Variants in KLHL12 observed in about 807,000 individuals in gnomAD.
KLHL12 encodes kelch like family member 12.
In KLHL12, 17 loss-of-function variants were observed where a neutral mutation model predicts 60.8. The observed-to-expected ratio is 0.28, with a 90% CI of 0.19 to 0.42. KLHL12 has a LOEUF of 0.42. Ranked by LOEUF, KLHL12 falls within the 10% of genes least tolerant of loss-of-function variation. KLHL12 has a pLI of 1.00. For missense variants in KLHL12, 468 were observed against 722.3 expected, an observed-to-expected ratio of 0.65 and a Z score of 4.04; for synonymous variants, 220 against 250.9, an observed-to-expected ratio of 0.88 and a Z score of 1.16.
intron 2 of KLHL12, among the ~76,000 whole-genome samples, chr1:202,922,789 G>T (rs2102459354): frequency 6.6e-6 from 1 of 151,964 alleles, no homozygotes; most frequent in Admixed American, 6.5e-5. Context: ...CCCAGCTGAA[G>T]ATCCAAGACT....
intron 4 of KLHL12, among the ~76,000 whole-genome samples, chr1:202,916,581 T>C (rs747234339): frequency 1.3e-5 from 2 of 152,132 alleles, no homozygotes; most frequent in Non-Finnish European, 2.9e-5. Context: ...AAGGTGAAGG[T>C]TACAGTGAGC....
At chr1:202,925,800 A>C (rs558371009) in intron 1 of KLHL12, among the ~76,000 whole-genome samples, 2 of 152,196 alleles carry the variant, frequency 1.3e-5, no homozygotes, top group African/African-American at 4.8e-5. Context: ...ACATATCTGG[A>C]TTTCTTCTTA....
chr1:202,898,167 T>C (rs1055702500), intron 6 of KLHL12, among the ~76,000 whole-genome samples: 2 of 152,064 alleles, frequency 1.3e-5, no homozygotes, highest in Admixed American at 1.3e-4. Flanking sequence ...GCCTCCCAAG[T>C]AGCTGGGATT....
chr1:202,894,817 A>G, intron 8 of KLHL12, 68 bp from the exon 9 acceptor site: 1 of 1,379,336 alleles, frequency 7.2e-7, no homozygotes, highest in Non-Finnish European at 1.0e-6. Flanking sequence ...TTCCTCTACA[A>G]ATTTTCCAAG....
In KLHL12 at chr1:202,909,127, G is replaced by A. The variant is rs2102431618; in HGVS notation, c.718-3C>T. On this transcript the variant is annotated splice_polypyrimidine_tract_variant and splice_region_variant and intron_variant, in intron 5 of 11. Coordinates refer to ENST00000367261, the MANE Select transcript of KLHL12 (RefSeq NM_021633.4). This position sits in a 1 kb window ranked among gnomAD's most constrained non-coding sequence, Gnocchi z 4.1. ...TGTAAACTACAGCGGATGAAAGGCT[G>A]AAATATAGCAGACAGCAGAGTTAGG... 1.3e-6 allele frequency: 2 copies of A among 1,597,088 alleles called. No homozygotes were observed. Among genetic ancestry groups the A allele is most frequent in the East Asian group, 2.2e-5 (1 of 44,778 alleles).
In KLHL12 at chr1:202,927,015, G is replaced by C. The variant is rs1653602799; in HGVS notation, c.-46+74C>G. The C allele has an allele frequency of 8.3e-6, 8 of 960,358 alleles. No individual in the cohort carries two copies. In the South Asian group the frequency reaches 2.4e-4, roughly 29 times the overall value. The allele number at this position is 960,358 out of a possible 1,614,324, so 59.5% of individuals were successfully genotyped here. On this transcript the variant is annotated intron_variant, in intron 1 of 11. Transcript: ENST00000367261. Reference sequence around the variant, plus strand: ...CCGCCTTGCAGGGAGACCAAGGATGGGGGGTAGGGCCATAACCCGGAGTTG... The same window carrying C: ...CCGCCTTGCAGGGAGACCAAGGATGCGGGGTAGGGCCATAACCCGGAGTTG...
Position 202,893,464 on chromosome 1 carries a change from A to C in KLHL12, c.1394-39T>G, listed in dbSNP as rs757484908. 5 of 1,523,136 alleles carry C rather than the reference A, an allele frequency of 3.3e-6. No homozygotes were observed. The African/African-American group carries it at 6.9e-5, about 21-fold the overall frequency. The allele number at this position is 1,523,136 out of a possible 1,614,324, so 94.4% of individuals were successfully genotyped here. A position where few individuals can be genotyped will look rare whatever the true frequency, so the allele number is the denominator to read the frequency against. ...ATGCATTAGCAAATGTATGGTACTA[A>C]GCCTAGAATCTGAATTATAGAAATA... On this transcript the variant is annotated intron_variant, in intron 10 of 11. Coordinates refer to ENST00000367261, the MANE Select transcript of KLHL12 (RefSeq NM_021633.4). This position sits in a 1 kb window ranked among gnomAD's most constrained non-coding sequence, Gnocchi z 4.1.
In KLHL12 at chr1:202,893,176, T is replaced by A; in HGVS notation, c.1580+63A>T. ...TCTTGTCTCTGTCCAAAAATGAGGA[T>A]CAGATCACATAGACTCTTGCTCTGG... On this transcript the variant is annotated intron_variant, in intron 11 of 11. Coordinates refer to ENST00000367261, the MANE Select transcript of KLHL12 (RefSeq NM_021633.4). This position sits in a 1 kb window ranked among gnomAD's most constrained non-coding sequence, Gnocchi z 4.1. The A allele has an allele frequency of 7.6e-7, 1 of 1,324,094 alleles. No individual in the cohort carries two copies. The highest frequency in any genetic ancestry group is 2.5e-5 in the East Asian group (1 of 40,140). The allele number at this position is 1,324,094 out of a possible 1,614,324, so 82.0% of individuals were successfully genotyped here.
chr1:202,924,866 T>G (rs575796868), intron 2 of KLHL12, 102 bp downstream of exon 2: 1 of 1,417,222 alleles, frequency 7.1e-7, no homozygotes, highest in Non-Finnish European at 9.5e-7. Flanking sequence ...CATCACACTG[T>G]AAAAATTCAA....
Position 202,916,449 on chromosome 1 carries a change from A to G in KLHL12, c.567+1722T>C, listed in dbSNP as rs1399561301. On this transcript the variant is annotated intron_variant, in intron 4 of 11. Transcript: ENST00000367261. ...TGGCTGATGTCAGGAGTTCCAGAGC[A>G]GCCTGGCCACAATAGTGAAACTCCG... 3.3e-5 allele frequency among the ~76,000 whole-genome samples: 5 copies of G among 152,232 alleles called. No individual in the cohort carries two copies. In the East Asian group the frequency reaches 9.6e-4, roughly 29 times the overall value.
chr1:202,911,525 G>A (rs374067043), intron 4 of KLHL12, among the ~76,000 whole-genome samples: 7 of 151,488 alleles, frequency 4.6e-5, no homozygotes, highest in African/African-American at 9.7e-5. Flanking sequence ...ATTGGCCTTC[G>A]TTTCAGAATT....
At chr1:202,898,133 G>T (rs1442116559) in intron 6 of KLHL12, among the ~76,000 whole-genome samples, 1 of 152,054 alleles carries the variant, frequency 6.6e-6, no homozygotes, top group Non-Finnish European at 1.5e-5. Flanking sequence ...CAAACTCCCG[G>T]CCTCAAGCGA....
At chr1:202,899,744 T>C (rs1392038672) in intron 6 of KLHL12, among the ~76,000 whole-genome samples, 2 of 151,456 alleles carry the variant, frequency 1.3e-5, no homozygotes, top group African/African-American at 4.9e-5. Flanking sequence ...GAGAATCACT[T>C]GAACTGAGGA....
At position 202,909,406 on chromosome 1, in the gene KLHL12, C is replaced by T. The variant is rs1660290029; in HGVS notation, c.718-282G>A. Among the ~76,000 whole-genome samples the T allele has an allele frequency of 6.6e-6, 1 of 151,844 alleles. No individual in the cohort carries two copies. The highest frequency in any genetic ancestry group is 2.4e-5 in the African/African-American group (1 of 41,272). On this transcript the variant is annotated intron_variant, in intron 5 of 11. Transcript: ENST00000367261. The surrounding 1 kb of genome is among the most constrained non-coding windows in gnomAD (Gnocchi z 4.1). ...CATCTATCGCAGCGCTTACATTTAA[C>T]TATTTTTACATAGTTTGGATGCCCT...
At chr1:202,928,296 G>GA (rs1360708150), upstream of KLHL12, among the ~76,000 whole-genome samples, 7 of 148,664 alleles carry the variant, frequency 4.7e-5, no homozygotes, top group African/African-American at 1.7e-4. Context: ...AAAGAAAAAA[G>GA]AAAAAAAAGA....
Position 202,912,548 on chromosome 1 carries a change from A to C in KLHL12, c.568-1345T>G, listed in dbSNP as rs1486326207. Reference sequence around the variant, plus strand: ...CAATTTTGGAGGTGGTGGAAGCTACAGTGATTTTGGCAACTACAATAATCA... The same window carrying C: ...CAATTTTGGAGGTGGTGGAAGCTACCGTGATTTTGGCAACTACAATAATCA... On this transcript the variant is annotated intron_variant, in intron 4 of 11. Coordinates refer to ENST00000367261, the MANE Select transcript of KLHL12 (RefSeq NM_021633.4). 4 of 1,068,304 alleles carry C rather than the reference A, an allele frequency of 3.7e-6. No individual in the cohort carries two copies. In the South Asian group the frequency reaches 5.0e-5, roughly 13 times the overall value. The allele number at this position is 1,068,304 out of a possible 1,614,324, so 66.2% of individuals were successfully genotyped here.
rs1659664963 is a variant in KLHL12 at position 202,891,164 on chromosome 1, GA to G, written c.*1368del. Reference sequence around the variant, plus strand: ...AATATTTTCTTAAAAAAATACAAAGGAAATTAACTCTGTAGGTCAATACAAC... The same window carrying G: ...AATATTTTCTTAAAAAAATACAAAGGAATTAACTCTGTAGGTCAATACAAC... On this transcript the variant is annotated 3_prime_UTR_variant, in exon 12 of 12. Transcript: ENST00000367261. 1 of 152,424 alleles carries G rather than the reference GA, an allele frequency of 6.6e-6. No homozygotes were observed. Among genetic ancestry groups the G allele is most frequent in the African/African-American group, 2.4e-5 (1 of 41,326 alleles). The allele number at this position is 152,424 out of a possible 1,614,324, so 9.4% of individuals were successfully genotyped here. A position where few individuals can be genotyped will look rare whatever the true frequency, so the allele number is the denominator to read the frequency against.
intron 4 of KLHL12, among the ~76,000 whole-genome samples, chr1:202,913,748 G>C (rs910245562): frequency 3.3e-5 from 5 of 152,140 alleles, no homozygotes; most frequent in African/African-American, 1.2e-4. Flanking sequence ...TTAGCCAGGG[G>C]GAGTAAGAGA....
At position 202,892,032 on chromosome 1, in the gene KLHL12, G is replaced by A. The variant is rs953335451; in HGVS notation, c.*501C>T. On this transcript the variant is annotated 3_prime_UTR_variant, in exon 12 of 12. Transcript: ENST00000367261. ...CTCCCTTTTGTTTCCCTCTAGAATGGAACTGTGTTGCCCCTAGCTACCTGT... is the reference window on the plus strand; with the variant it reads ...CTCCCTTTTGTTTCCCTCTAGAATGAAACTGTGTTGCCCCTAGCTACCTGT... The A allele has an allele frequency of 1.3e-5, 2 of 149,672 alleles. No homozygotes were observed. Among genetic ancestry groups the A allele is most frequent in the Admixed American group, 1.3e-4 (2 of 14,908 alleles). 9.3% of individuals were successfully genotyped at this position (149,672 alleles called of 1,614,324 possible).
Sources: allele counts gnomAD v4.1 joint callset (sites outside exome capture counted in the v4.1 genomes callset), GRCh38; gene constraint gnomAD v4.1.1; non-coding constraint Gnocchi (gnomAD v3.1); transcripts MANE v1.5; gene names NCBI Gene and HGNC (gene_info 2026-07-23, HGNC 2026-07-21).